Variants in SMAP1 observed in about 807,000 individuals in gnomAD.
The protein encoded by SMAP1 is stromal membrane-associated protein 1.
Under a neutral mutation model 58.5 loss-of-function variants are expected in SMAP1, and 24 were observed. The observed-to-expected ratio is 0.41, with a 90% CI of 0.30 to 0.58. The LOEUF (loss-of-function observed/expected upper bound fraction) is 0.58, where lower values mean the gene tolerates loss of function less well. Among genes scored for constraint, SMAP1 ranks in the 20% least tolerant of loss-of-function variants. The pLI, the probability that SMAP1 is intolerant of heterozygous loss-of-function variation, is 0.29. For synonymous variants in SMAP1, 216 were observed against 196.6 expected (o/e 1.10, Z -0.82); for missense variants, 563 against 566.3 (o/e 0.99, Z 0.06).
chr6:70,693,322 T>TTTTTA (rs775647492), intron 1 of SMAP1, among the ~76,000 whole-genome samples: 3 of 115,310 alleles, frequency 2.6e-5, no homozygotes, highest in Non-Finnish European at 5.3e-5. Flanking sequence ...TTTTTTTTTT[T>TTTTTA]AAGACAGAGT....
In SMAP1 at chr6:70,789,724, C is replaced by CAAA. The variant is rs35376781; in HGVS notation, c.415-1944_415-1942dup. On this transcript the variant is annotated intron_variant, in intron 4 of 10. Transcript: ENST00000370455. ...TGGGTAACATAGAAAGACTCTGTCTCAAAAAAAAAAAAAAAAAAAAAAAGT... is the reference window on the plus strand; with the variant it reads ...TGGGTAACATAGAAAGACTCTGTCTCAAAAAAAAAAAAAAAAAAAAAAAAAAGT... 7.4e-3 allele frequency among the ~76,000 whole-genome samples: 543 copies of CAAA among 73,510 alleles called. 8 individuals are homozygous for CAAA. Among genetic ancestry groups the CAAA allele is most frequent in the African/African-American group, 0.023 (417 of 18,156 alleles). 48.2% of individuals were successfully genotyped at this position (73,510 alleles called of 152,430 possible).
Position 70,740,995 on chromosome 6 carries a change from C to T in SMAP1, c.252+8484C>T, listed in dbSNP as rs558941507. Among the ~76,000 whole-genome samples the T allele has an allele frequency of 5.3e-5, 8 of 152,174 alleles. No individual in the cohort carries two copies. In the East Asian group the frequency reaches 1.4e-3, roughly 26 times the overall value. On this transcript the variant is annotated intron_variant, in intron 2 of 10. Transcript: ENST00000370455. ...ACCAAGAGAACAGTAAGGGGAAAACCGCCCCCATGATTCAATTATTTCCCA... is the reference window on the plus strand; with the variant it reads ...ACCAAGAGAACAGTAAGGGGAAAACTGCCCCCATGATTCAATTATTTCCCA...
chr6:70,671,387 T>C (rs1766257893), intron 1 of SMAP1, among the ~76,000 whole-genome samples: 1 of 152,036 alleles, frequency 6.6e-6, no homozygotes, highest in Non-Finnish European at 1.5e-5. Context: ...CTGGCCAACA[T>C]AGTGAAACCC....
At chr6:70,707,738 T>C (rs1767895552) in intron 1 of SMAP1, among the ~76,000 whole-genome samples, 1 of 152,178 alleles carries the variant, frequency 6.6e-6, no homozygotes, top group African/African-American at 2.4e-5. Context: ...CCTGAGTAGC[T>C]GGGACTACAG....
chr6:70,680,908 G>A (rs1045772363), intron 1 of SMAP1, among the ~76,000 whole-genome samples: 5 of 151,582 alleles, frequency 3.3e-5, no homozygotes, highest in Admixed American at 2.0e-4. Context: ...TAGCAGAGGC[G>A]GGGTTTTGCC....
intron 4 of SMAP1, among the ~76,000 whole-genome samples, chr6:70,776,537 T>C (rs1381188417): frequency 6.6e-6 from 1 of 152,196 alleles, no homozygotes. Context: ...TTTGAAAATA[T>C]ACACTAAATT....
chr6:70,700,537 A>T lies in SMAP1; in HGVS notation c.119-31841A>T, dbSNP rs1297164430. ...GGTCTCAAACTCCTGGCCTCAAGTG[A>T]TCCACCTGCCTTGGCCTCCCAAATT... On this transcript the variant is annotated intron_variant, in intron 1 of 10. Transcript: ENST00000370455. Among the ~76,000 whole-genome samples, 9 of 152,300 alleles carry T rather than the reference A, an allele frequency of 5.9e-5. No homozygotes were observed. The East Asian group carries it at 1.7e-3, about 29-fold the overall frequency.
chr6:70,671,964 G>C (rs532901708), intron 1 of SMAP1, among the ~76,000 whole-genome samples: 4 of 152,318 alleles, frequency 2.6e-5, no homozygotes, highest in African/African-American at 9.6e-5. Context: ...ATTTTGGGTA[G>C]TCAGAAACAT....
chr6:70,681,976 G>A (rs200322484), intron 1 of SMAP1, among the ~76,000 whole-genome samples: 1 of 152,078 alleles, frequency 6.6e-6, no homozygotes, highest in East Asian at 1.9e-4. Context: ...TTAATGCAAG[G>A]TTTTGAGAAA....
At chr6:70,727,569 G>A (rs924428302) in intron 1 of SMAP1, among the ~76,000 whole-genome samples, 1 of 152,182 alleles carries the variant, frequency 6.6e-6, no homozygotes, top group East Asian at 1.9e-4. Flanking sequence ...GGCAGGATTT[G>A]TGTTTTGTCA....
At chr6:70,731,801 G>C (rs1166093616) in intron 1 of SMAP1, among the ~76,000 whole-genome samples, 1 of 152,008 alleles carries the variant, frequency 6.6e-6, no homozygotes, top group African/African-American at 2.4e-5. Flanking sequence ...TTTTTTTCCA[G>C]AATGTTGGGT....
At chr6:70,745,890 A>G (rs982650752) in intron 2 of SMAP1, among the ~76,000 whole-genome samples, 1 of 152,122 alleles carries the variant, frequency 6.6e-6, no homozygotes, top group Non-Finnish European at 1.5e-5. Flanking sequence ...GGTCCTTCAC[A>G]TCCCTTGTAA....
chr6:70,717,720 C>T (rs1768333543), intron 1 of SMAP1, among the ~76,000 whole-genome samples: 1 of 152,180 alleles, frequency 6.6e-6, no homozygotes. Context: ...AACACATTTT[C>T]AGATCACATT....
chr6:70,684,668 T>G (rs758177809), intron 1 of SMAP1, among the ~76,000 whole-genome samples: 48 of 151,930 alleles, frequency 3.2e-4, no homozygotes, highest in Middle Eastern at 6.8e-3. Context: ...TAAAGAACTT[T>G]CTAAGTTTTT....
At chr6:70,668,237 C>T in intron 1 of SMAP1, 96 bp downstream of exon 1, 1 of 1,152,382 alleles carries the variant, frequency 8.7e-7, no homozygotes, top group East Asian at 2.8e-5. Flanking sequence ...GACGCCTCGG[C>T]TTCGCTGGCC....
At chr6:70,693,651 T>C (rs928775698) in intron 1 of SMAP1, among the ~76,000 whole-genome samples, 3 of 152,074 alleles carry the variant, frequency 2.0e-5, no homozygotes, top group Non-Finnish European at 4.4e-5. Context: ...TTGCTTTGGG[T>C]AGTGTGGACA....
At chr6:70,726,393 A>G (rs928808802) in intron 1 of SMAP1, among the ~76,000 whole-genome samples, 1 of 152,216 alleles carries the variant, frequency 6.6e-6, no homozygotes, top group Non-Finnish European at 1.5e-5. Context: ...TCTCAAAGAG[A>G]TCACTGTTTC....
At chr6:70,732,705 A>C (rs76776673) in intron 2 of SMAP1, among the ~76,000 whole-genome samples, 194 bp downstream of exon 2, 155 of 152,334 alleles carry the variant, frequency 1.0e-3, no homozygotes, top group African/African-American at 3.7e-3. Flanking sequence ...TAGTAAAGTC[A>C]GTTTTTAATC....
At chr6:70,763,339 G>A (rs1766833740) in intron 3 of SMAP1, among the ~76,000 whole-genome samples, 1 of 152,060 alleles carries the variant, frequency 6.6e-6, no homozygotes, top group South Asian at 2.1e-4. Context: ...ACTGGGAACT[G>A]CACCAGTATA....
Sources: allele counts gnomAD v4.1 joint callset (sites outside exome capture counted in the v4.1 genomes callset), GRCh38; gene constraint gnomAD v4.1.1; transcripts MANE v1.5; gene names NCBI Gene and HGNC (gene_info 2026-07-23, HGNC 2026-07-21).